NCKAP5: variants seen among roughly 807,000 people sequenced by gnomAD.
NCKAP5 encodes the protein NCK associated protein 5, also known as nck-associated protein 5.
A neutral mutation model predicts 167.0 loss-of-function variants in NCKAP5; 92 were observed. The observed-to-expected ratio is 0.55, with a 90% CI of 0.47 to 0.66. NCKAP5 has a LOEUF of 0.66. NCKAP5 is among the 30% of genes least tolerant of loss of function. The probability of loss-of-function intolerance (pLI) is 0.00; values close to 1 mark genes in which losing one functional copy is unlikely to be tolerated. For missense variants in NCKAP5, 2,378 were observed against 2,315.0 expected, an observed-to-expected ratio of 1.03 and a Z score of -0.56; for synonymous variants, 891 against 877.4, an observed-to-expected ratio of 1.02 and a Z score of -0.27.
At chr2:132,818,270 A>G (rs1021260236) in intron 11 of NCKAP5, among the ~76,000 whole-genome samples, 2 of 152,232 alleles carry the variant, frequency 1.3e-5, no homozygotes, top group East Asian at 3.8e-4. Flanking sequence ...CCCTAATGCT[A>G]AATTCTGTAT....
intron 6 of NCKAP5, among the ~76,000 whole-genome samples, chr2:133,071,603 C>G (rs887230128): frequency 7.2e-5 from 11 of 152,190 alleles, no homozygotes; most frequent in African/African-American, 2.7e-4. Context: ...CTGGGTAGTC[C>G]TACAGATTTC....
intron 11 of NCKAP5, among the ~76,000 whole-genome samples, chr2:132,838,390 G>C (rs979570857): frequency 1.3e-5 from 2 of 152,138 alleles, no homozygotes; most frequent in Admixed American, 1.3e-4. Context: ...AGAGCACTTT[G>C]GGAGGCCGAG....
At chr2:133,413,997 C>A (rs755248667) in intron 3 of NCKAP5, among the ~76,000 whole-genome samples, 1 of 152,208 alleles carries the variant, frequency 6.6e-6, no homozygotes, top group Non-Finnish European at 1.5e-5. Context: ...ACAAGGACAT[C>A]TCACTATCCT....
chr2:132,927,247 C>A lies in NCKAP5; in HGVS notation c.579+36473G>T, dbSNP rs554931673. Among the ~76,000 whole-genome samples the A allele has an allele frequency of 1.2e-4, 18 of 152,170 alleles. No homozygotes were observed. The South Asian group carries it at 3.5e-3, about 30-fold the overall frequency. On this transcript the variant is annotated intron_variant, in intron 8 of 19. Coordinates refer to ENST00000409261, the MANE Select transcript of NCKAP5 (RefSeq NM_207363.3). ...CTATGTGTCTATTTTTATAGAAGTG[C>A]CATGCTGTATTGGTTATTATTGCCT...
chr2:133,520,029 T>TAAAAA (rs879297119), intron 2 of NCKAP5, among the ~76,000 whole-genome samples: 1 of 143,442 alleles, frequency 7.0e-6, no homozygotes, highest in Non-Finnish European at 1.5e-5. Context: ...CTACTAAAAA[T>TAAAAA]AAAAAAAAAA....
intron 4 of NCKAP5, among the ~76,000 whole-genome samples, chr2:133,295,470 A>G (rs536495572): frequency 1.6e-4 from 25 of 152,322 alleles, no homozygotes; most frequent in African/African-American, 5.5e-4. Context: ...AATTTTAAAA[A>G]TTTATTTGAC....
chr2:132,736,876 G>A (rs1303338221), intron 16 of NCKAP5, among the ~76,000 whole-genome samples: 1 of 152,266 alleles, frequency 6.6e-6, no homozygotes, highest in Non-Finnish European at 1.5e-5. Context: ...TTGCCCACAG[G>A]GCCTTGCTAA....
intron 4 of NCKAP5, among the ~76,000 whole-genome samples, chr2:133,270,517 G>C (rs553304770): frequency 6.6e-6 from 1 of 152,302 alleles, no homozygotes; most frequent in Non-Finnish European, 1.5e-5. Context: ...ATAGGGTCTG[G>C]AGGCAGAGAA....
At chr2:132,714,232 G>A (rs1461995312) in intron 19 of NCKAP5, among the ~76,000 whole-genome samples, 2 of 152,156 alleles carry the variant, frequency 1.3e-5, no homozygotes, top group African/African-American at 4.8e-5. Context: ...TAATTTATGA[G>A]GGAAGTTTAC....
At chr2:133,228,812 T>A (rs1001612610) in intron 4 of NCKAP5, among the ~76,000 whole-genome samples, 4 of 152,148 alleles carry the variant, frequency 2.6e-5, no homozygotes, top group African/African-American at 4.8e-5. Context: ...ATTGTAAAAA[T>A]CCAGAGAATA....
intron 5 of NCKAP5, among the ~76,000 whole-genome samples, chr2:133,192,427 T>G (rs2085266882): frequency 6.6e-6 from 1 of 152,048 alleles, no homozygotes; most frequent in Non-Finnish European, 1.5e-5. Flanking sequence ...AATGAAAACT[T>G]TTGTTCTGTG....
intron 14 of NCKAP5, among the ~76,000 whole-genome samples, chr2:132,781,436 A>C (rs1683022668): frequency 6.6e-6 from 1 of 152,170 alleles, no homozygotes; most frequent in South Asian, 2.1e-4. Context: ...ATCATAATGT[A>C]TTTTTTATTT....
At chr2:133,383,751 G>C (rs1447473632) in intron 3 of NCKAP5, among the ~76,000 whole-genome samples, 3 of 152,126 alleles carry the variant, frequency 2.0e-5, no homozygotes, top group Admixed American at 2.0e-4. Flanking sequence ...TTTAATGCTT[G>C]TCATTCTAAC....
intron 6 of NCKAP5, among the ~76,000 whole-genome samples, chr2:133,086,228 A>G (rs781594372): frequency 4.6e-5 from 7 of 152,326 alleles, no homozygotes; most frequent in Non-Finnish European, 8.8e-5. Flanking sequence ...GTTTTGGACA[A>G]GATAAACTCA....
chr2:132,945,994 T>C (rs915695429), intron 8 of NCKAP5, among the ~76,000 whole-genome samples: 4 of 152,256 alleles, frequency 2.6e-5, no homozygotes, highest in Admixed American at 6.5e-5. Context: ...GCAAGTCCCA[T>C]TTTCCTTTGT....
intron 2 of NCKAP5, among the ~76,000 whole-genome samples, chr2:133,526,764 A>G (rs922529308): frequency 3.9e-5 from 6 of 152,172 alleles, no homozygotes; most frequent in Admixed American, 6.6e-5. Flanking sequence ...GAAGATTTAT[A>G]ATACATTACA....
At chr2:132,894,734 C>T (rs6710600) in intron 8 of NCKAP5, among the ~76,000 whole-genome samples, 12,133 of 152,102 alleles carry the variant, frequency 0.08, 1,547 homozygotes, top group African/African-American at 0.27. Context: ...CACTCAGGAC[C>T]CCTGGCCTTG....
intron 3 of NCKAP5, among the ~76,000 whole-genome samples, chr2:133,477,096 T>A (rs1191726839): frequency 6.6e-6 from 1 of 152,218 alleles, no homozygotes; most frequent in South Asian, 2.1e-4. Flanking sequence ...TACTCCCTTA[T>A]GGAGAAACTT....
At chr2:132,874,367 CAA>C (rs1691097228) in intron 9 of NCKAP5, among the ~76,000 whole-genome samples, 1 of 152,144 alleles carries the variant, frequency 6.6e-6, no homozygotes, top group Non-Finnish European at 1.5e-5. Flanking sequence ...CTTGGCCTCC[CAA>C]AGTGTTGGGA....
Sources: allele counts gnomAD v4.1 joint callset (sites outside exome capture counted in the v4.1 genomes callset), GRCh38; gene constraint gnomAD v4.1.1; transcripts MANE v1.5; gene names NCBI Gene and HGNC (gene_info 2026-07-23, HGNC 2026-07-21).